The following RASA3 variants were observed in gnomAD, a reference collection of about 807,000 sequenced individuals.
RASA3 encodes RAS p21 protein activator 3.
RASA3 carries 73 observed loss-of-function variants against 110.0 expected under a neutral mutation model. The observed-to-expected ratio is 0.66, with a 90% CI of 0.55 to 0.81. RASA3 has a LOEUF of 0.81. Ranked by LOEUF, RASA3 falls within the 30% of genes least tolerant of loss-of-function variation. The pLI, the probability that RASA3 is intolerant of heterozygous loss-of-function variation, is 0.00. For synonymous variants in RASA3, 500 were observed against 451.4 expected, an observed-to-expected ratio of 1.11 and a Z score of -1.37; for missense variants, 976 against 1,113.2, an observed-to-expected ratio of 0.88 and a Z score of 1.75.
At chr13:114,089,910 T>C (rs1020528326) in intron 1 of RASA3, among the ~76,000 whole-genome samples, 27 of 145,582 alleles carry the variant, frequency 1.9e-4, no homozygotes, top group African/African-American at 6.9e-4. Context: ...GTCCTTCCCC[T>C]TCTGTGCCTG....
At chr13:113,991,725 C>T (rs896519979) in intron 22 of RASA3, among the ~76,000 whole-genome samples, 5 of 152,220 alleles carry the variant, frequency 3.3e-5, no homozygotes, top group Non-Finnish European at 5.9e-5. Flanking sequence ...TATGCAGTAT[C>T]GTTATCTGTG....
At chr13:113,997,686 G>A (rs2053287559) in intron 20 of RASA3, among the ~76,000 whole-genome samples, 1 of 152,176 alleles carries the variant, frequency 6.6e-6, no homozygotes, top group African/African-American at 2.4e-5. Flanking sequence ...GTTGCACACA[G>A]AAGACAGGTT....
chr13:114,016,285 T>G lies in RASA3; in HGVS notation c.1207-14A>C. 2 of 1,559,714 alleles carry G rather than the reference T, an allele frequency of 1.3e-6. No homozygotes were observed. The highest frequency in any genetic ancestry group is 2.2e-5 in the South Asian group (2 of 89,930). The stretch of plus-strand genomic sequence containing the variant: ...GCTCTGGCATATCTGGGGAGAGGTT[T>G]AAGACAGGGCTCTGTGAGTGGGTTC... On this transcript the variant is annotated splice_polypyrimidine_tract_variant and intron_variant, in intron 12 of 23. Coordinates refer to ENST00000334062, the MANE Select transcript of RASA3 (RefSeq NM_007368.4).
At chr13:114,107,166 C>A (rs1246456018) in intron 1 of RASA3, among the ~76,000 whole-genome samples, 1 of 138,916 alleles carries the variant, frequency 7.2e-6, no homozygotes, top group Non-Finnish European at 1.6e-5. Flanking sequence ...GGCACCTTGA[C>A]CCTCACGGGG....
chr13:114,007,723 A>C (rs2053548461), intron 17 of RASA3, 117 bp from the exon 18 acceptor site: 1 of 844,756 alleles, frequency 1.2e-6, no homozygotes, highest in Non-Finnish European at 2.0e-6. Context: ...GTGGAGACAG[A>C]ATCTGGGCAA....
intron 21 of RASA3, among the ~76,000 whole-genome samples, chr13:113,995,755 A>ATG (rs2053225729): frequency 7.6e-5 from 2 of 26,472 alleles, no homozygotes; most frequent in Non-Finnish European, 1.2e-4. Flanking sequence ...GGCCCGGCTG[A>ATG]CGGGGGCCCG....
At chr13:114,031,822 T>C (rs1182935190) in intron 4 of RASA3, among the ~76,000 whole-genome samples, 1 of 152,196 alleles carries the variant, frequency 6.6e-6, no homozygotes, top group African/African-American at 2.4e-5. Flanking sequence ...CCAGGGCTTG[T>C]CCCTGCCTGT....
intron 1 of RASA3, among the ~76,000 whole-genome samples, chr13:114,127,857 C>T (rs1277827572): frequency 6.6e-6 from 1 of 152,186 alleles, no homozygotes; most frequent in Admixed American, 6.5e-5. Flanking sequence ...GTGGGTCTCC[C>T]TTTCTCCACC....
chr13:114,070,261 G>A (rs1341645561), intron 2 of RASA3, among the ~76,000 whole-genome samples: 4 of 151,496 alleles, frequency 2.6e-5, no homozygotes, highest in African/African-American at 9.7e-5. Flanking sequence ...TGGGGGACCG[G>A]CCCCAAAGTG....
chr13:114,097,973 C>T (rs1167715145), intron 1 of RASA3, among the ~76,000 whole-genome samples: 1 of 152,192 alleles, frequency 6.6e-6, no homozygotes, highest in African/African-American at 2.4e-5. Flanking sequence ...GAGTGGATAC[C>T]CCTGGGAACA....
chr13:114,015,194 G>GTT lies in RASA3; in HGVS notation c.1405+13_1405+14dup. 6.2e-7 allele frequency: 1 copy of GTT among 1,612,644 alleles called. No homozygotes were observed. The highest frequency in any genetic ancestry group is 8.5e-7 in the Non-Finnish European group (1 of 1,179,882). On this transcript the variant is annotated intron_variant, in intron 14 of 23. Coordinates refer to ENST00000334062, the MANE Select transcript of RASA3 (RefSeq NM_007368.4). ...GGCAGTTTCTCAGCAACATGAGGGT[G>GTT]TTCAGGGCACTCACCCTGGAAGCGC...
Position 114,056,781 on chromosome 13 carries a change from AC to A in RASA3, c.174-4627del. ...AACATACGAACTCCATAAAATTATC[AC>A]CACAGACTGGACGTGCCCCTTTCTA... On this transcript the variant is annotated intron_variant, in intron 2 of 23. Transcript: ENST00000334062. This position sits in a 1 kb window ranked among gnomAD's most constrained non-coding sequence, Gnocchi z 5.7. 1.5e-6 allele frequency: 1 copy of A among 659,214 alleles called. No homozygotes were observed. Among genetic ancestry groups the A allele is most frequent in the Non-Finnish European group, 1.9e-6 (1 of 531,676 alleles). 40.8% of individuals were successfully genotyped at this position (659,214 alleles called of 1,614,324 possible).
intron 1 of RASA3, among the ~76,000 whole-genome samples, chr13:114,117,046 CGT>C (rs575521525): frequency 2.0e-5 from 2 of 99,604 alleles, no homozygotes; most frequent in Non-Finnish European, 3.8e-5. Flanking sequence ...GAGGGGTGCA[CGT>C]GTGTGAGGGG....
At chr13:114,066,110 T>C (rs1057121916) in intron 2 of RASA3, among the ~76,000 whole-genome samples, 3 of 151,926 alleles carry the variant, frequency 2.0e-5, no homozygotes, top group African/African-American at 7.3e-5. Context: ...CCCGGGACAC[T>C]GTGGCCTCGG....
chr13:114,048,732 C>T lies in RASA3; in HGVS notation c.277+3320G>A, dbSNP rs1255853570. On this transcript the variant is annotated intron_variant, in intron 3 of 23. Coordinates refer to ENST00000334062, the MANE Select transcript of RASA3 (RefSeq NM_007368.4). The surrounding 1 kb of genome is among the most constrained non-coding windows in gnomAD (Gnocchi z 4.3). Reference sequence around the variant, plus strand: ...TGGGAGCCCGGCTTGACTGACAGTTCCCGCCGGCAGCAGCGCTCTGTGGGC... The same window carrying T: ...TGGGAGCCCGGCTTGACTGACAGTTTCCGCCGGCAGCAGCGCTCTGTGGGC... 2.0e-5 allele frequency among the ~76,000 whole-genome samples: 3 copies of T among 152,312 alleles called. No individual in the cohort carries two copies. The East Asian group carries it at 5.8e-4, about 29-fold the overall frequency.
At position 113,981,779 on chromosome 13, in the gene RASA3, C is replaced by T. The variant is rs776997526; in HGVS notation, c.2325G>A (p.Glu775=). The part of the protein sequence containing the change: ...YSTFVIDDPQ[E]TYKTLKQVIA... The stretch of plus-strand genomic sequence containing the variant: ...TGACTTGCTTTAGCGTCTTGTAGGT[C>T]TCCTGGGGGTCGTCAATGACGAACG... Residue 775 remains glutamate (E), a synonymous_variant, in exon 23 of 24, where the codon GAG becomes GAA. Transcript: ENST00000334062. 8.1e-6 allele frequency: 13 copies of T among 1,614,128 alleles called. No homozygotes were observed. The South Asian group carries it at 1.2e-4, about 15-fold the overall frequency.
At position 114,024,368 on chromosome 13, in the gene RASA3, G is replaced by A. The variant is rs975369611; in HGVS notation, c.604-13C>T. 4 of 1,612,820 alleles carry A rather than the reference G, an allele frequency of 2.5e-6. No homozygotes were observed. Among genetic ancestry groups the A allele is most frequent in the Non-Finnish European group, 3.4e-6 (4 of 1,179,184 alleles). The stretch of plus-strand genomic sequence containing the variant: ...AGGGCCGGGTCACCTGGAGTCAGAC[G>A]AGAGAGAAAGCGCTGAGACCGCGGT... On this transcript the variant is annotated splice_polypyrimidine_tract_variant and intron_variant, in intron 7 of 23. Transcript: ENST00000334062.
chr13:114,102,927 G>A (rs1195351983), intron 1 of RASA3, among the ~76,000 whole-genome samples: 2 of 151,616 alleles, frequency 1.3e-5, no homozygotes, highest in Non-Finnish European at 2.9e-5. Context: ...CGGGGCCTGA[G>A]TCCAGCCCCA....
At chr13:114,003,637 C>T (rs968667853) in intron 18 of RASA3, among the ~76,000 whole-genome samples, 8 of 150,004 alleles carry the variant, frequency 5.3e-5, no homozygotes, top group African/African-American at 1.9e-4. Context: ...TTGGACGTGC[C>T]CACAGGCTCG....
Sources: allele counts gnomAD v4.1 joint callset (sites outside exome capture counted in the v4.1 genomes callset), GRCh38; gene constraint gnomAD v4.1.1; non-coding constraint Gnocchi (gnomAD v3.1); transcripts MANE v1.5; gene names NCBI Gene and HGNC (gene_info 2026-07-23, HGNC 2026-07-21).